Variants in GPLD1 observed in about 807,000 individuals in gnomAD.
GPLD1 encodes the protein glycosylphosphatidylinositol specific phospholipase D1.
Under a neutral mutation model 112.6 loss-of-function variants are expected in GPLD1, and 84 were observed. The ratio of observed to expected loss-of-function variants is 0.75; its 90% CI spans 0.63 to 0.89. The LOEUF is 0.89. Ranked by LOEUF, GPLD1 falls within the 40% of genes least tolerant of loss-of-function variation. The pLI, the probability that GPLD1 is intolerant of heterozygous loss-of-function variation, is 0.00. For missense variants in GPLD1, 1,044 were observed against 1,051.5 expected, an observed-to-expected ratio of 0.99 and a Z score of 0.10; for synonymous variants, 386 against 403.8, an observed-to-expected ratio of 0.96 and a Z score of 0.53.
chr6:24,471,786 C>T (rs1320834288), intron 7 of GPLD1, among the ~76,000 whole-genome samples: 2 of 152,160 alleles, frequency 1.3e-5, no homozygotes, highest in Admixed American at 1.3e-4. Flanking sequence ...GAGGCGCGAT[C>T]ATAGCTCACT....
chr6:24,445,341 A>G (rs1169239836), intron 20 of GPLD1, among the ~76,000 whole-genome samples: 1 of 152,172 alleles, frequency 6.6e-6, no homozygotes, highest in Non-Finnish European at 1.5e-5. Context: ...ATAGGTATTT[A>G]CAATTTCAGT....
At chr6:24,459,559 C>G (rs892931167) in intron 12 of GPLD1, among the ~76,000 whole-genome samples, 1 of 152,126 alleles carries the variant, frequency 6.6e-6, no homozygotes, top group Admixed American at 6.5e-5. Context: ...GCCCATTCTC[C>G]CTACTATCTA....
intron 21 of GPLD1, 27 bp from the exon 22 acceptor site, chr6:24,436,763 G>A: frequency 6.2e-7 from 1 of 1,609,858 alleles, no homozygotes; most frequent in Non-Finnish European, 8.5e-7. Context: ...CCGACAGAAG[G>A]AAGTATTTGA....
intron 20 of GPLD1, among the ~76,000 whole-genome samples, chr6:24,443,971 G>A (rs1011063811): frequency 1.3e-5 from 2 of 152,110 alleles, no homozygotes; most frequent in African/African-American, 2.4e-5. Context: ...ACTGCACCCC[G>A]CCTGTCTGAC....
chr6:24,494,929 C>T, intron 1 of GPLD1: 2 of 1,259,926 alleles, frequency 1.6e-6, no homozygotes, highest in Non-Finnish European at 2.0e-6. Context: ...CTTGCTTCCC[C>T]GCGACCCCTG....
chr6:24,489,128 C>G (rs542193766), intron 1 of GPLD1, among the ~76,000 whole-genome samples: 13 of 152,340 alleles, frequency 8.5e-5, no homozygotes, highest in South Asian at 8.3e-4. Context: ...TGCAACCTCT[C>G]GTTCACTGAG....
intron 24 of GPLD1, among the ~76,000 whole-genome samples, chr6:24,430,547 T>G (rs1762369931): frequency 6.6e-6 from 1 of 152,220 alleles, no homozygotes; most frequent in South Asian, 2.1e-4. Context: ...GCTCCTGAGC[T>G]GATGGAAGGC....
At chr6:24,491,159 A>G (rs1764548296), upstream of GPLD1, among the ~76,000 whole-genome samples, 1 of 152,044 alleles carries the variant, frequency 6.6e-6, no homozygotes, top group South Asian at 2.1e-4. Flanking sequence ...AGTCCCCACC[A>G]TCCATGCAAT....
rs538348724 is a variant in GPLD1, at chr6:24,480,070, A to T, written c.154-111T>A. ...GCTAGAAATATGGGGGTATAGATGG[A>T]ATGAAAGGGAAAAAGGAAGGAAAGC... On this transcript the variant is annotated intron_variant, in intron 2 of 24. Transcript: ENST00000230036. 3.6e-5 allele frequency: 24 copies of T among 670,026 alleles called. No individual in the cohort carries two copies. In the South Asian group the frequency reaches 4.2e-4, roughly 12 times the overall value. 41.5% of individuals were successfully genotyped at this position (670,026 alleles called of 1,614,324 possible).
chr6:24,441,869 CAAGT>C (rs969853315), intron 20 of GPLD1, among the ~76,000 whole-genome samples: 10 of 151,816 alleles, frequency 6.6e-5, no homozygotes, highest in African/African-American at 2.4e-4. Context: ...AAGTAAAATA[CAAGT>C]AATAATGGGA....
chr6:24,435,836 A>AAAAAATAAAAAAAATAAAAAAAAT (rs1762559518), intron 22 of GPLD1: 4 of 146,526 alleles, frequency 2.7e-5, no homozygotes, highest in Non-Finnish European at 6.1e-5. Context: ...AAAAAAAAAA[A>AAAAAATAAAAAAAATAAAAAAAAT]AAAAAAAAAA....
upstream of GPLD1, chr6:24,495,247 G>T: frequency 6.6e-7 from 1 of 1,526,600 alleles, no homozygotes; most frequent in South Asian, 1.2e-5. Flanking sequence ...CCGGCCAGCG[G>T]CGCCGCTCTG....
chr6:24,467,377 G>T, intron 7 of GPLD1, 103 bp from the exon 8 acceptor site: 1 of 712,116 alleles, frequency 1.4e-6, no homozygotes. Context: ...TTTTGTGCCA[G>T]GCACCATGTA....
intron 15 of GPLD1, among the ~76,000 whole-genome samples, chr6:24,448,790 A>G (rs983152822): frequency 6.6e-6 from 1 of 152,062 alleles, no homozygotes; most frequent in African/African-American, 2.4e-5. Context: ...TGTACCACTT[A>G]CCTGCCTGAG....
chr6:24,448,901 T>C (rs1299305769), intron 15 of GPLD1, among the ~76,000 whole-genome samples: 1 of 152,068 alleles, frequency 6.6e-6, no homozygotes, highest in Non-Finnish European at 1.5e-5. Context: ...TTTTCCATCA[T>C]AAGCCAGGTA....
At chr6:24,468,472 A>AC (rs1425945387) in intron 7 of GPLD1, among the ~76,000 whole-genome samples, 1 of 152,138 alleles carries the variant, frequency 6.6e-6, no homozygotes, top group East Asian at 1.9e-4. Context: ...TCTCATAGCT[A>AC]CCTATGACCT....
rs1762610792 is a variant in GPLD1, at chr6:24,437,303, C to T, written c.2021-14G>A. 1 of 1,610,456 alleles carries T rather than the reference C, an allele frequency of 6.2e-7. No individual in the cohort carries two copies. The highest frequency in any genetic ancestry group is 2.2e-5 in the East Asian group (1 of 44,834). On this transcript the variant is annotated splice_polypyrimidine_tract_variant and intron_variant, in intron 20 of 24. Transcript: ENST00000230036. ...TAGACACGTCATCTGAAACGAACCA[C>T]AGTTCCTGCTGGCCTCACAGAAAGG...
At chr6:24,443,449 G>A (rs1249464102) in intron 20 of GPLD1, among the ~76,000 whole-genome samples, 2 of 152,092 alleles carry the variant, frequency 1.3e-5, no homozygotes, top group African/African-American at 2.4e-5. Flanking sequence ...TTCCTTCTGG[G>A]TGGCAAATGC....
chr6:24,431,179 T>G (rs973409508), intron 24 of GPLD1, among the ~76,000 whole-genome samples: 2 of 152,178 alleles, frequency 1.3e-5, no homozygotes, highest in African/African-American at 4.8e-5. Context: ...ATGGGTCACT[T>G]AAATTATTGG....
Sources: allele counts gnomAD v4.1 joint callset (sites outside exome capture counted in the v4.1 genomes callset), GRCh38; gene constraint gnomAD v4.1.1; transcripts MANE v1.5; gene names NCBI Gene and HGNC (gene_info 2026-07-23, HGNC 2026-07-21).